Variants in NFIA observed in about 807,000 individuals in gnomAD.
The protein encoded by NFIA is nuclear factor I A.
A neutral mutation model predicts 62.8 loss-of-function variants in NFIA; 8 were observed. That is an observed-to-expected ratio of 0.13 (90% CI 0.07 to 0.23). The LOEUF is 0.23. Ranked by LOEUF, NFIA falls within the 10% of genes least tolerant of loss-of-function variation. The pLI, the probability that NFIA is intolerant of heterozygous loss-of-function variation, is 1.00. For synonymous variants in NFIA, 235 were observed against 238.1 expected (o/e 0.99, Z 0.12); for missense variants, 410 against 642.1 (o/e 0.64, Z 3.91).
chr1:61,428,624 T>C (rs1666972442), intron 10 of NFIA, among the ~76,000 whole-genome samples: 1 of 152,056 alleles, frequency 6.6e-6, no homozygotes, highest in African/African-American at 2.4e-5. Flanking sequence ...TTCCCTTAAA[T>C]GAGGAACTAT....
chr1:61,089,881 A>G (rs1049416591), intron 2 of NFIA, among the ~76,000 whole-genome samples: 1 of 152,128 alleles, frequency 6.6e-6, no homozygotes, highest in Non-Finnish European at 1.5e-5. Flanking sequence ...CTGCCCTTAC[A>G]TAAGAAACTG....
intron 2 of NFIA, among the ~76,000 whole-genome samples, chr1:61,236,152 C>T (rs1337957680): frequency 6.7e-6 from 1 of 149,648 alleles, no homozygotes; most frequent in Non-Finnish European, 1.5e-5. Context: ...GAGAAAAGTC[C>T]ATCTTAAAAA....
At chr1:61,394,774 G>A (rs933638226) in intron 7 of NFIA, among the ~76,000 whole-genome samples, 1 of 152,162 alleles carries the variant, frequency 6.6e-6, no homozygotes, top group African/African-American at 2.4e-5. Flanking sequence ...ATCCTATGGG[G>A]TGAATTCAGG....
At chr1:61,364,953 G>A (rs1414857842) in intron 6 of NFIA, among the ~76,000 whole-genome samples, 1 of 152,164 alleles carries the variant, frequency 6.6e-6, no homozygotes, top group African/African-American at 2.4e-5. Context: ...TGGGGCCCAA[G>A]GTGGGAGGAT....
chr1:61,411,739 G>C (rs113561316), intron 9 of NFIA, among the ~76,000 whole-genome samples: 1 of 151,762 alleles, frequency 6.6e-6, no homozygotes, highest in Non-Finnish European at 1.5e-5. Flanking sequence ...GAGGGATGCA[G>C]CTCTAAGCAG....
chr1:61,212,682 G>T (rs904207527), intron 2 of NFIA, among the ~76,000 whole-genome samples: 1 of 152,132 alleles, frequency 6.6e-6, no homozygotes, highest in Admixed American at 6.5e-5. Context: ...ATGCATAAAA[G>T]AAAATTTACT....
At chr1:61,442,382 G>C (rs987186252) in intron 10 of NFIA, among the ~76,000 whole-genome samples, 5 of 152,120 alleles carry the variant, frequency 3.3e-5, no homozygotes, top group African/African-American at 7.2e-5. Context: ...GATTAGATCT[G>C]AATCTACCTA....
At position 61,426,513 on chromosome 1, in the gene NFIA, G is replaced by A; in HGVS notation, c.1469G>A (p.Gly490Glu). Residue 490 changes from glycine (G) to glutamate (E), a missense_variant, in exon 10 of 11, where the codon GGA becomes GAA. Gly to Glu is a moderately conservative substitution (Grantham distance 98). Around this residue, in one of 3 missense-constraint regions of NFIA, gnomAD observed 298 missense variants for 438.1 expected, o/e 0.68. Transcript: ENST00000403491. ...CCCGCAAACCGATTCGTCAGTGTTGGACCACGGGATCCAAGCTTTGTAAAT... is the reference window on the plus strand; with the variant it reads ...CCCGCAAACCGATTCGTCAGTGTTGAACCACGGGATCCAAGCTTTGTAAAT... ...TSPANRFVSV[G>E]PRDPSFVNIP... The A allele has an allele frequency of 6.4e-7, 1 of 1,551,954 alleles. No homozygotes were observed. The highest frequency in any genetic ancestry group is 8.7e-7 in the Non-Finnish European group (1 of 1,147,038).
chr1:61,259,008 A>G (rs891302976), intron 2 of NFIA, among the ~76,000 whole-genome samples: 1 of 152,194 alleles, frequency 6.6e-6, no homozygotes, highest in Non-Finnish European at 1.5e-5. Context: ...GGCATAAGCC[A>G]CCATGCCTGG....
intron 9 of NFIA, among the ~76,000 whole-genome samples, chr1:61,412,672 A>G (rs1255954094): frequency 1.3e-5 from 2 of 152,208 alleles, no homozygotes; most frequent in Non-Finnish European, 2.9e-5. Flanking sequence ...TGGACTTATC[A>G]TAATAAGCTG....
chr1:61,287,278 TG>T (rs1008031872), intron 3 of NFIA, among the ~76,000 whole-genome samples: 3 of 152,224 alleles, frequency 2.0e-5, no homozygotes, highest in Admixed American at 6.5e-5. Context: ...TGATTTGTCA[TG>T]GCAGTATCTT....
chr1:61,083,625 G>T (rs995791988), intron 1 of NFIA, among the ~76,000 whole-genome samples: 1 of 151,632 alleles, frequency 6.6e-6, no homozygotes, highest in Non-Finnish European at 1.5e-5. Flanking sequence ...TGAAAGTTTC[G>T]GGGCCGAGAC....
chr1:61,385,958 T>G (rs1430341184), intron 7 of NFIA: 2 of 152,180 alleles, frequency 1.3e-5, no homozygotes, highest in South Asian at 4.1e-4. Context: ...CCCCGCTTAG[T>G]GGTCTGGTGA....
intron 2 of NFIA, among the ~76,000 whole-genome samples, chr1:61,089,100 G>T (rs970924333): frequency 2.8e-4 from 42 of 152,092 alleles, no homozygotes; most frequent in Non-Finnish European, 1.6e-4. Flanking sequence ...ACCTACTGAG[G>T]CCTCTTGAAC....
chr1:61,328,115 T>TC (rs397696294), intron 3 of NFIA, among the ~76,000 whole-genome samples: 1 of 151,660 alleles, frequency 6.6e-6, no homozygotes. Context: ...TTTTTTTTTT[T>TC]CTTGTTGATT....
At chr1:61,131,907 T>A (rs1647087392) in intron 2 of NFIA, among the ~76,000 whole-genome samples, 1 of 152,134 alleles carries the variant, frequency 6.6e-6, no homozygotes, top group African/African-American at 2.4e-5. Flanking sequence ...ACTGAATTGT[T>A]GCCAAGCAGA....
At chr1:61,282,402 A>G (rs1221375078) in intron 3 of NFIA, among the ~76,000 whole-genome samples, 1 of 152,202 alleles carries the variant, frequency 6.6e-6, no homozygotes, top group Non-Finnish European at 1.5e-5. Context: ...GATTTAAACA[A>G]CTTTTGTGAA....
chr1:61,256,006 G>C (rs1305442640), intron 2 of NFIA, among the ~76,000 whole-genome samples: 6 of 152,260 alleles, frequency 3.9e-5, no homozygotes, highest in African/African-American at 1.2e-4. Flanking sequence ...ATATCGTTTA[G>C]TCCAGGCATG....
At chr1:61,274,984 G>A (rs1657721579) in intron 2 of NFIA, among the ~76,000 whole-genome samples, 1 of 152,190 alleles carries the variant, frequency 6.6e-6, no homozygotes, top group Non-Finnish European at 1.5e-5. Flanking sequence ...GAGATCATAT[G>A]CATTTTCTTG....
Sources: gnomAD v4.1 joint callset for allele counts (sites outside exome capture counted in the v4.1 genomes callset) on GRCh38, gnomAD v4.1.1 for gene constraint, gnomAD v4.1.1 regional missense constraint, MANE v1.5 for transcripts, NCBI Gene and HGNC (gene_info 2026-07-23, HGNC 2026-07-21) for gene names.